SDK1: variants seen among roughly 807,000 people sequenced by gnomAD.
SDK1 encodes sidekick cell adhesion molecule 1.
In SDK1, 157 loss-of-function variants were observed where a neutral mutation model predicts 245.5. That is an observed-to-expected ratio of 0.64 (90% CI 0.56 to 0.73). SDK1 has a LOEUF of 0.73. SDK1 is among the 30% of genes least tolerant of loss of function. The pLI, the probability that SDK1 is intolerant of heterozygous loss-of-function variation, is 0.00. For synonymous variants in SDK1, 1,647 were observed against 1,278.5 expected (o/e 1.29, Z -6.15); for missense variants, 3,583 against 3,002.3 (o/e 1.19, Z -4.52).
intron 28 of SDK1, among the ~76,000 whole-genome samples, chr7:4,138,350 A>G (rs1217859856): frequency 6.6e-6 from 1 of 152,198 alleles, no homozygotes; most frequent in African/African-American, 2.4e-5. Context: ...ATGCTTCTAA[A>G]GGGAAAACAT....
chr7:3,635,693 C>T (rs1405719777), intron 2 of SDK1, among the ~76,000 whole-genome samples: 2 of 151,766 alleles, frequency 1.3e-5, no homozygotes, highest in Admixed American at 6.6e-5. Flanking sequence ...TAGTCTTTTC[C>T]TATTTGAGCT....
chr7:3,807,330 C>G (rs902664778), intron 4 of SDK1, among the ~76,000 whole-genome samples: 2 of 152,200 alleles, frequency 1.3e-5, no homozygotes, highest in Admixed American at 6.5e-5. Flanking sequence ...GTGCTTAACG[C>G]TGACACACAT....
intron 44 of SDK1, among the ~76,000 whole-genome samples, chr7:4,252,593 T>A (rs182664315): frequency 8.3e-4 from 127 of 152,306 alleles, no homozygotes; most frequent in African/African-American, 1.2e-3. Context: ...TCTATACTTA[T>A]AAGGGATATA....
intron 1 of SDK1, among the ~76,000 whole-genome samples, chr7:3,589,859 T>C (rs901950576): frequency 2.0e-5 from 3 of 152,156 alleles, no homozygotes; most frequent in African/African-American, 7.2e-5. Context: ...ACAGTTATAA[T>C]ATTTGCATAA....
At chr7:4,233,456 G>T in intron 41 of SDK1, 37 bp downstream of exon 41, 2 of 1,589,698 alleles carry the variant, frequency 1.3e-6, no homozygotes, top group Non-Finnish European at 8.6e-7. Flanking sequence ...TCTTCTGGAG[G>T]ACTAGAGGGA....
At chr7:3,356,402 C>T (rs1780795884) in intron 1 of SDK1, among the ~76,000 whole-genome samples, 1 of 152,270 alleles carries the variant, frequency 6.6e-6, no homozygotes, top group East Asian at 1.9e-4. Context: ...TTTGTTACCG[C>T]TCTTTAAAGA....
At position 3,665,366 on chromosome 7, in the gene SDK1, A is replaced by G. The variant is rs184134384; in HGVS notation, c.713+23261A>G. Among the ~76,000 whole-genome samples, 16 of 152,362 alleles carry G rather than the reference A, an allele frequency of 1.1e-4. No homozygotes were observed. The East Asian group carries it at 3.1e-3, about 29-fold the overall frequency. On this transcript the variant is annotated intron_variant, in intron 4 of 44. Coordinates refer to ENST00000404826, the MANE Select transcript of SDK1 (RefSeq NM_152744.4). ...CATTAGAGAAAACTTGCATGAATCTACATATCAGTTAAAATAATGAATAGT... is the reference window on the plus strand; with the variant it reads ...CATTAGAGAAAACTTGCATGAATCTGCATATCAGTTAAAATAATGAATAGT...
intron 17 of SDK1, among the ~76,000 whole-genome samples, chr7:4,040,402 G>C (rs1007135163): frequency 6.6e-6 from 1 of 152,134 alleles, no homozygotes; most frequent in Non-Finnish European, 1.5e-5. Flanking sequence ...TTACACACAA[G>C]TCGAACCACA....
chr7:4,025,974 C>G (rs533608790), intron 17 of SDK1, among the ~76,000 whole-genome samples: 16 of 152,350 alleles, frequency 1.1e-4, no homozygotes, highest in South Asian at 4.1e-4. Flanking sequence ...TCCTCCTCCC[C>G]CTCCCCTGCT....
At position 4,079,574 on chromosome 7, in the gene SDK1, T is replaced by C. The variant is rs1447621212; in HGVS notation, c.3314T>C (p.Val1105Ala). Residue 1105 changes from valine (V) to alanine (A), a missense_variant, in exon 22 of 45, where the codon GTT (valine) becomes GCT (alanine). Val to Ala is a moderately conservative substitution (Grantham distance 64). Coordinates refer to ENST00000404826, the MANE Select transcript of SDK1 (RefSeq NM_152744.4). ...AAAACGTCCATCTCCAGGTGGATTG[T>C]TGAGGGGCAGGTACGTGTGTCGTTA... ...DGKTSISRWI[V>A]EGQVGAIGDE... 1 of 1,614,184 alleles carries C rather than the reference T, an allele frequency of 6.2e-7. No homozygotes were observed. The highest frequency in any genetic ancestry group is 8.5e-7 in the Non-Finnish European group (1 of 1,180,020).
chr7:3,504,346 A>G (rs2128609322), intron 1 of SDK1, among the ~76,000 whole-genome samples: 1 of 152,050 alleles, frequency 6.6e-6, no homozygotes, highest in East Asian at 1.9e-4. Context: ...CAAGGGACCC[A>G]GAATGGCCAA....
At chr7:3,776,464 G>T (rs1462425146) in intron 4 of SDK1, among the ~76,000 whole-genome samples, 1 of 152,120 alleles carries the variant, frequency 6.6e-6, no homozygotes, top group Non-Finnish European at 1.5e-5. Flanking sequence ...GACATTTCTG[G>T]TTCAATATTA....
rs372052155 is a variant in SDK1, at chr7:4,010,973, A to G, written c.2139A>G (p.Pro713=). The change falls in exon 15 of 45, where the codon CCA becomes CCG. Residue 713 remains proline (P), a synonymous_variant. Coordinates refer to ENST00000404826, the MANE Select transcript of SDK1 (RefSeq NM_152744.4). Reference sequence around the variant, plus strand: ...TTTTCTTCATTCTTTCAGACTCTCCATGGAAGGTGCATCTGTCAAACGTTG... The same window carrying G: ...TTTTCTTCATTCTTTCAGACTCTCCGTGGAAGGTGCATCTGTCAAACGTTG... The part of the protein sequence containing the change: ...YIVELSENNS[P]WKVHLSNVGP... 2 of 1,614,024 alleles carry G rather than the reference A, an allele frequency of 1.2e-6. No individual in the cohort carries two copies. Among genetic ancestry groups the G allele is most frequent in the African/African-American group, 1.3e-5 (1 of 74,918 alleles).
chr7:3,873,018 C>T (rs1249169856), intron 5 of SDK1, among the ~76,000 whole-genome samples: 1 of 152,028 alleles, frequency 6.6e-6, no homozygotes, highest in East Asian at 1.9e-4. Context: ...ATTTACCTTC[C>T]TTTATTCCAT....
chr7:3,511,377 T>G (rs889478771), intron 1 of SDK1, among the ~76,000 whole-genome samples: 1 of 152,196 alleles, frequency 6.6e-6, no homozygotes, highest in African/African-American at 2.4e-5. Context: ...AAAGCTCCAA[T>G]TCAAAAATAA....
At chr7:4,216,527 C>T (rs1299163142) in intron 38 of SDK1, among the ~76,000 whole-genome samples, 1 of 152,254 alleles carries the variant, frequency 6.6e-6, no homozygotes, top group Non-Finnish European at 1.5e-5. Context: ...TGGACCTCCA[C>T]ATGACTTTCA....
At chr7:3,784,408 A>G (rs932145590) in intron 4 of SDK1, among the ~76,000 whole-genome samples, 1 of 152,164 alleles carries the variant, frequency 6.6e-6, no homozygotes, top group African/African-American at 2.4e-5. Flanking sequence ...ATAAGATGAG[A>G]AACTATAAAA....
At chr7:4,027,578 C>G (rs1787455752) in intron 17 of SDK1, among the ~76,000 whole-genome samples, 1 of 152,192 alleles carries the variant, frequency 6.6e-6, no homozygotes, top group Non-Finnish European at 1.5e-5. Flanking sequence ...TTGCAAATCT[C>G]CAAAACATCC....
At chr7:4,153,764 A>T (rs1780544269) in intron 30 of SDK1, among the ~76,000 whole-genome samples, 1 of 151,980 alleles carries the variant, frequency 6.6e-6, no homozygotes, top group Admixed American at 6.6e-5. Flanking sequence ...GCAGCCTCCA[A>T]CTCCTGGGCT....
Sources: allele counts gnomAD v4.1 joint callset (sites outside exome capture counted in the v4.1 genomes callset), GRCh38; gene constraint gnomAD v4.1.1; transcripts MANE v1.5; gene names NCBI Gene and HGNC (gene_info 2026-07-23, HGNC 2026-07-21).